Variants in GSK3B observed in about 807,000 individuals in gnomAD.
GSK3B encodes the protein glycogen synthase kinase-3 beta.
GSK3B carries 15 observed loss-of-function variants against 56.4 expected under a neutral mutation model. That is an observed-to-expected ratio of 0.27 (90% CI 0.18 to 0.41). The LOEUF is 0.41. Among genes scored for constraint, GSK3B ranks in the 10% least tolerant of loss-of-function variants. The probability of loss-of-function intolerance (pLI) is 1.00; values close to 1 mark genes in which losing one functional copy is unlikely to be tolerated. For synonymous variants in GSK3B, 181 were observed against 188.9 expected (o/e 0.96, Z 0.34); for missense variants, 300 against 513.4 (o/e 0.58, Z 4.02).
chr3:120,085,543 A>G, intron 1 of GSK3B, among the ~76,000 whole-genome samples: 1 of 152,228 alleles, frequency 6.6e-6, no homozygotes, highest in East Asian at 1.9e-4. Flanking sequence ...ATATTAACTG[A>G]TTTTGCTGTA....
intron 7 of GSK3B, among the ~76,000 whole-genome samples, chr3:119,894,046 T>C (rs111764424): frequency 0.026 from 3,930 of 152,068 alleles, 173 homozygotes; most frequent in African/African-American, 0.089. Flanking sequence ...CATTCTCATT[T>C]CCCCCAGCTC....
intron 3 of GSK3B, among the ~76,000 whole-genome samples, chr3:119,936,792 T>C (rs560654635): frequency 1.3e-5 from 2 of 152,060 alleles, no homozygotes; most frequent in South Asian, 2.1e-4. Flanking sequence ...TGTACAATAG[T>C]TGGAGACTTC....
At chr3:119,863,789 T>C (rs990579300) in intron 8 of GSK3B, among the ~76,000 whole-genome samples, 184 bp from the exon 9 acceptor site, 2 of 152,168 alleles carry the variant, frequency 1.3e-5, no homozygotes, top group African/African-American at 4.8e-5. Flanking sequence ...AATTAAAGAT[T>C]ATATGAGAAA....
At chr3:119,899,371 TAGTAAC>T (rs1358268280) in intron 7 of GSK3B, among the ~76,000 whole-genome samples, 1 of 152,084 alleles carries the variant, frequency 6.6e-6, no homozygotes, top group Non-Finnish European at 1.5e-5. Context: ...GAGACTACTG[TAGTAAC>T]AGTAATAGTA....
chr3:120,033,649 A>G (rs570842827), intron 1 of GSK3B, among the ~76,000 whole-genome samples: 38 of 152,218 alleles, frequency 2.5e-4, no homozygotes, highest in African/African-American at 9.1e-4. Flanking sequence ...TGTAATCCTC[A>G]TGTATTGGAG....
chr3:120,087,639 T>C (rs1332992977), intron 1 of GSK3B, among the ~76,000 whole-genome samples: 1 of 152,314 alleles, frequency 6.6e-6, no homozygotes, highest in East Asian at 1.9e-4. Context: ...CTTGGCTTTG[T>C]GCTGTTGTTA....
intron 1 of GSK3B, among the ~76,000 whole-genome samples, chr3:120,030,387 T>C (rs2057965431): frequency 6.6e-6 from 1 of 152,214 alleles, no homozygotes; most frequent in South Asian, 2.1e-4. Context: ...TTTCAACCTT[T>C]AGAGACTCCT....
Position 120,093,587 on chromosome 3 carries a change from T to G in GSK3B, c.-153A>C. The G allele has an allele frequency of 3.5e-6, 2 of 571,504 alleles. No individual in the cohort carries two copies. Among genetic ancestry groups the G allele is most frequent in the Non-Finnish European group, 3.2e-6 (1 of 316,940 alleles). The allele number at this position is 571,504 out of a possible 1,614,324, so 35.4% of individuals were successfully genotyped here. On this transcript the variant is annotated 5_prime_UTR_variant, in exon 1 of 11. Coordinates refer to ENST00000264235, the MANE Select transcript of GSK3B (RefSeq NM_001146156.2). ...TCGTCCTCTTGGCTTTTCACTCCTT[T>G]TGTATACTATAAAAAACAAAACAAG...
At chr3:119,999,312 G>T (rs947534232) in intron 2 of GSK3B, among the ~76,000 whole-genome samples, 1 of 152,142 alleles carries the variant, frequency 6.6e-6, no homozygotes, top group Non-Finnish European at 1.5e-5. Context: ...TTGATACAGC[G>T]AGGATAAAAT....
chr3:120,090,231 A>T (rs773584806), intron 1 of GSK3B, among the ~76,000 whole-genome samples: 1 of 38,492 alleles, frequency 2.6e-5, no homozygotes, highest in Admixed American at 2.0e-4. Flanking sequence ...AGCTGTATAT[A>T]AAAAAAAAAA....
At chr3:120,031,585 T>A (rs1189242302) in intron 1 of GSK3B, among the ~76,000 whole-genome samples, 1 of 152,072 alleles carries the variant, frequency 6.6e-6, no homozygotes, top group Non-Finnish European at 1.5e-5. Flanking sequence ...GAGGGTGAAG[T>A]AGGAGAAGGA....
rs141733507 is a variant in GSK3B, at chr3:119,872,216, G to T, written c.909+4197C>A. Among the ~76,000 whole-genome samples the T allele has an allele frequency of 1.5e-3, 225 of 152,194 alleles. 1 individual carries two copies. Among genetic ancestry groups the T allele is most frequent in the Non-Finnish European group, 2.7e-3 (182 of 68,006 alleles). On this transcript the variant is annotated intron_variant, in intron 8 of 10. Coordinates refer to ENST00000264235, the MANE Select transcript of GSK3B (RefSeq NM_001146156.2). ...ACAGGAAGCTGTAAAACTTGGGAAA[G>T]AGCCTGGGTTCAAGAACTAGATACC... is the stretch of plus-strand genomic sequence containing the variant.
At chr3:119,840,809 A>G (rs2055761072) in intron 10 of GSK3B, among the ~76,000 whole-genome samples, 1 of 152,188 alleles carries the variant, frequency 6.6e-6, no homozygotes, top group African/African-American at 2.4e-5. Context: ...TTTTTGTTAG[A>G]ATGATGATGT....
chr3:120,093,132 A>C (rs2058527965), intron 1 of GSK3B, among the ~76,000 whole-genome samples: 2 of 152,190 alleles, frequency 1.3e-5, no homozygotes, highest in Non-Finnish European at 2.9e-5. Context: ...CATCCAAATA[A>C]ATATCATATT....
At chr3:119,981,377 C>A (rs1329990454) in intron 2 of GSK3B, among the ~76,000 whole-genome samples, 1 of 152,236 alleles carries the variant, frequency 6.6e-6, no homozygotes, top group Non-Finnish European at 1.5e-5. Flanking sequence ...GGAGGGCAAG[C>A]TGAAGCAGGG....
chr3:120,019,548 T>C (rs2057855384), intron 1 of GSK3B, among the ~76,000 whole-genome samples: 1 of 152,260 alleles, frequency 6.6e-6, no homozygotes, highest in Non-Finnish European at 1.5e-5. Context: ...CCATTGTTCT[T>C]TCCTATCTTT....
At chr3:119,864,594 T>C (rs1264266011) in intron 8 of GSK3B, among the ~76,000 whole-genome samples, 1 of 152,186 alleles carries the variant, frequency 6.6e-6, no homozygotes, top group African/African-American at 2.4e-5. Flanking sequence ...TAGACACTTA[T>C]AAATGGAGGG....
At chr3:119,930,577 A>C (rs912519790) in intron 3 of GSK3B, among the ~76,000 whole-genome samples, 6 of 152,234 alleles carry the variant, frequency 3.9e-5, no homozygotes, top group Admixed American at 3.9e-4. Flanking sequence ...GGTATGATAG[A>C]CCAAACCTGC....
At chr3:120,049,779 T>G (rs1231869707) in intron 1 of GSK3B, among the ~76,000 whole-genome samples, 1 of 152,142 alleles carries the variant, frequency 6.6e-6, no homozygotes, top group African/African-American at 2.4e-5. Flanking sequence ...TAGGCAAACC[T>G]TTTCTGTAAA....
Sources: gnomAD v4.1 joint callset for allele counts (sites outside exome capture counted in the v4.1 genomes callset) on GRCh38, gnomAD v4.1.1 for gene constraint, MANE v1.5 for transcripts, NCBI Gene and HGNC (gene_info 2026-07-23, HGNC 2026-07-21) for gene names.